COL22A1: variants seen among roughly 807,000 people sequenced by gnomAD.
COL22A1 encodes the protein collagen type XXII alpha 1 chain.
A neutral mutation model predicts 248.9 loss-of-function variants in COL22A1; 221 were observed. The observed-to-expected ratio is 0.89, with a 90% CI of 0.80 to 0.99. The LOEUF is 0.99. Ranked by LOEUF, COL22A1 falls within the 50% of genes least tolerant of loss-of-function variation. The pLI is 0.00. For missense variants in COL22A1, 2,240 were observed against 2,179.0 expected (o/e 1.03, Z -0.56); for synonymous variants, 891 against 793.4 (o/e 1.12, Z -2.07).
rs1338726407 is a variant in COL22A1 at position 138,660,483 on chromosome 8, A to T, written c.3241-3T>A. 1 of 1,613,204 alleles carries T rather than the reference A, an allele frequency of 6.2e-7. No homozygotes were observed. The highest frequency in any genetic ancestry group is 1.7e-5 in the Admixed American group (1 of 60,000). ...TCTCCTGGATTTCCTGGTGCACCCT[A>T]AGAGAAGAAGGAAATAAAACATTAA... is the stretch of plus-strand genomic sequence containing the variant. On this transcript the variant is annotated splice_polypyrimidine_tract_variant and splice_region_variant and intron_variant, in intron 43 of 64. Coordinates refer to ENST00000303045, the MANE Select transcript of COL22A1 (RefSeq NM_152888.3).
chr8:138,782,128 G>A (rs958997121), intron 12 of COL22A1, among the ~76,000 whole-genome samples: 1 of 152,220 alleles, frequency 6.6e-6, no homozygotes, highest in South Asian at 2.1e-4. Context: ...ACATAAGTCA[G>A]TGTGATATTG....
In COL22A1 at chr8:138,715,747, G is replaced by A. The variant is rs985144167; in HGVS notation, c.2464-12C>T. 1 of 1,597,924 alleles carries A rather than the reference G, an allele frequency of 6.3e-7. No homozygotes were observed. The highest frequency in any genetic ancestry group is 2.2e-5 in the East Asian group (1 of 44,760). ...TCACCTTTTTCTCCCTATAATAAAA[G>A]ATAAAATTAGAAAACATTAGAACCC... On this transcript the variant is annotated splice_polypyrimidine_tract_variant and intron_variant, in intron 29 of 64. Transcript: ENST00000303045.
chr8:138,736,738 G>A (rs764040242), intron 23 of COL22A1, among the ~76,000 whole-genome samples: 5 of 152,142 alleles, frequency 3.3e-5, no homozygotes, highest in Non-Finnish European at 7.3e-5. Context: ...AGAGAAGCTG[G>A]AAGAAGGAGG....
At chr8:138,701,673 G>A (rs1827987136) in intron 31 of COL22A1, among the ~76,000 whole-genome samples, 2 of 152,308 alleles carry the variant, frequency 1.3e-5, no homozygotes, top group East Asian at 1.9e-4. Flanking sequence ...ACTCTAAGAG[G>A]TGGACTATCT....
At position 138,811,838 on chromosome 8, in the gene COL22A1, A is replaced by G; in HGVS notation, c.1410T>C (p.Phe470=). 1 of 1,611,916 alleles carries G rather than the reference A, an allele frequency of 6.2e-7. No individual in the cohort carries two copies. The highest frequency in any genetic ancestry group is 1.7e-5 in the Admixed American group (1 of 59,972). Residue 470 remains phenylalanine (F), a synonymous_variant, in exon 9 of 65, where the codon TTT becomes TTC. Transcript: ENST00000303045. ...PPTPGSEQIG[F]LKTINCSCPA... is the part of the protein sequence containing the mutation. ...GGCAGGAGCAGTTGATGGTCTTCAA[A>G]AACCCAATCTGTTCACTGCCTGGGG...
chr8:138,664,209 G>GCGCGCGCACACACACACACACACA (rs1440442280), intron 41 of COL22A1, among the ~76,000 whole-genome samples: 1 of 103,158 alleles, frequency 9.7e-6, no homozygotes, highest in Non-Finnish European at 1.9e-5. Context: ...GCGCGCGCGC[G>GCGCGCGCACACACACACACACACA]CACACACACA....
intron 17 of COL22A1, 24 bp downstream of exon 17, chr8:138,762,389 C>G: frequency 6.2e-7 from 1 of 1,612,994 alleles, no homozygotes; most frequent in East Asian, 2.2e-5. Flanking sequence ...GAAACCTAGC[C>G]CAACAGCGCC....
chr8:138,625,452 T>C (rs1820159611), intron 51 of COL22A1, among the ~76,000 whole-genome samples: 1 of 152,180 alleles, frequency 6.6e-6, no homozygotes, highest in Non-Finnish European at 1.5e-5. Context: ...TCACTCTCAG[T>C]GCAGAAGGCA....
At chr8:138,691,792 G>A (rs1564199940) in intron 35 of COL22A1, among the ~76,000 whole-genome samples, 2 of 123,886 alleles carry the variant, frequency 1.6e-5, no homozygotes, top group Admixed American at 7.6e-5. Context: ...GTTTGTGGAG[G>A]TGTGTGTGTG....
intron 47 of COL22A1, among the ~76,000 whole-genome samples, chr8:138,640,244 G>A (rs2096791762): frequency 6.6e-6 from 1 of 152,104 alleles, no homozygotes; most frequent in Admixed American, 6.5e-5. Context: ...CATTTTTCCA[G>A]AACCATCATG....
Position 138,674,628 on chromosome 8 carries a change from C to A in COL22A1, c.3150+1930G>T, listed in dbSNP as rs373069145. On this transcript the variant is annotated intron_variant, in intron 41 of 64. Transcript: ENST00000303045. The stretch of plus-strand genomic sequence containing the variant: ...GTGATTTTTGCTGGCTCTTCGGTGG[C>A]AGGTGGGGTGAATTGTGTCCGCCTC... Among the ~76,000 whole-genome samples the A allele has an allele frequency of 1.1e-4, 16 of 152,258 alleles. No individual in the cohort carries two copies. The East Asian group carries it at 1.4e-3, about 13-fold the overall frequency.
At chr8:138,823,113 T>C (rs1819281413) in intron 6 of COL22A1, among the ~76,000 whole-genome samples, 1 of 152,232 alleles carries the variant, frequency 6.6e-6, no homozygotes, top group Non-Finnish European at 1.5e-5. Context: ...GTAAGTTATT[T>C]AACCTTTCTA....
At chr8:138,856,418 AAGAG>A (rs1563849397) in intron 3 of COL22A1, among the ~76,000 whole-genome samples, 1 of 151,856 alleles carries the variant, frequency 6.6e-6, no homozygotes, top group African/African-American at 2.4e-5. Flanking sequence ...CAGCAAGAGA[AAGAG>A]AGAGAAAGAG....
At chr8:138,630,822 A>G in intron 49 of COL22A1, 74 bp from the exon 50 acceptor site, 2 of 1,251,352 alleles carry the variant, frequency 1.6e-6, no homozygotes, top group Non-Finnish European at 2.3e-6. Flanking sequence ...TGCTTTGAAT[A>G]CAAAGCAATT....
At chr8:138,831,992 C>T (rs903919313) in intron 5 of COL22A1, among the ~76,000 whole-genome samples, 1 of 152,118 alleles carries the variant, frequency 6.6e-6, no homozygotes, top group Admixed American at 6.5e-5. Flanking sequence ...GTCATAAAGA[C>T]CTTGCTGATA....
rs901569778 is a variant in COL22A1 at position 138,694,496 on chromosome 8, T to C, written c.2700+12A>G. On this transcript the variant is annotated intron_variant, in intron 34 of 64. Coordinates refer to ENST00000303045, the MANE Select transcript of COL22A1 (RefSeq NM_152888.3). ...GTCTCTGAGCCAGCAGGGGAAGGGATGGTTTTCTTACCGGTGGTCCAGTGG... is the reference window on the plus strand; with the variant it reads ...GTCTCTGAGCCAGCAGGGGAAGGGACGGTTTTCTTACCGGTGGTCCAGTGG... The C allele has an allele frequency of 1.9e-6, 3 of 1,613,368 alleles. No individual in the cohort carries two copies. Among genetic ancestry groups the C allele is most frequent in the Admixed American group, 1.7e-5 (1 of 59,970 alleles).
chr8:138,769,021 C>G (rs2131443973), intron 16 of COL22A1, among the ~76,000 whole-genome samples: 1 of 152,120 alleles, frequency 6.6e-6, no homozygotes, highest in East Asian at 1.9e-4. Flanking sequence ...GTCTCTCCAG[C>G]CCCCTCCAGA....
At chr8:138,717,859 G>A (rs1829564281) in intron 27 of COL22A1, among the ~76,000 whole-genome samples, 1 of 152,194 alleles carries the variant, frequency 6.6e-6, no homozygotes, top group South Asian at 2.1e-4. Context: ...GTGGTGGTGA[G>A]CGCGGACTAT....
At chr8:138,832,949 G>A (rs756076725) in intron 5 of COL22A1, 90 bp downstream of exon 5, 31 of 830,282 alleles carry the variant, frequency 3.7e-5, no homozygotes, top group Non-Finnish European at 5.7e-5. Context: ...AGCCCGGCTC[G>A]GTGCCAAGTA....
Sources: allele counts gnomAD v4.1 joint callset (sites outside exome capture counted in the v4.1 genomes callset), GRCh38; gene constraint gnomAD v4.1.1; transcripts MANE v1.5; gene names NCBI Gene and HGNC (gene_info 2026-07-23, HGNC 2026-07-21).